SRA1: variants seen among roughly 807,000 people sequenced by gnomAD.
SRA1 encodes steroid receptor RNA activator 1, also known as lncRNA SRA.
SRA1 carries 25 observed loss-of-function variants against 24.3 expected under a neutral mutation model. The ratio of observed to expected loss-of-function variants is 1.03; its 90% CI spans 0.75 to 1.43. The LOEUF is 1.43. SRA1 is among the 40% of genes most tolerant of loss of function. The pLI is 0.00. For synonymous variants in SRA1, 104 were observed against 109.5 expected (o/e 0.95, Z 0.31); for missense variants, 303 against 286.6 (o/e 1.06, Z -0.41).
In SRA1 at chr5:140,550,511, C is replaced by G; in HGVS notation, c.*189G>C. 1.6e-6 allele frequency: 1 copy of G among 625,152 alleles called. No homozygotes were observed. Among genetic ancestry groups the G allele is most frequent in the Non-Finnish European group, 2.8e-6 (1 of 351,038 alleles). The allele number at this position is 625,152 out of a possible 1,614,324, so 38.7% of individuals were successfully genotyped here. ...CATCTCTCCTACCCAAGGCCCACCG[C>G]AGAGATGTTTTTATTGAAATGCATG... is the stretch of plus-strand genomic sequence containing the variant. On this transcript the variant is annotated 3_prime_UTR_variant, in exon 5 of 5. Coordinates refer to ENST00000336283, the MANE Select transcript of SRA1 (RefSeq NM_001035235.4).
chr5:140,556,924 T>C (rs1754720411), intron 2 of SRA1, among the ~76,000 whole-genome samples: 2 of 152,172 alleles, frequency 1.3e-5, no homozygotes, highest in Admixed American at 6.5e-5. Context: ...TAAGATCATC[T>C]AGGATGAAAA....
At chr5:140,555,615 T>C (rs1247103620) in intron 2 of SRA1, among the ~76,000 whole-genome samples, 3 of 152,188 alleles carry the variant, frequency 2.0e-5, no homozygotes, top group African/African-American at 7.2e-5. Flanking sequence ...GCCCTACGGC[T>C]CTGTCCCTGG....
In SRA1 at chr5:140,557,441, C is replaced by G. The variant is rs761283470; in HGVS notation, c.12G>C (p.Leu4=). ...GGCTGCGCTCACCCGGCTTCACGTA[C>G]AGCTCCGCCATCTCCACTTCCGCTT... MAE[L]YVKPGNKERG... The change falls in exon 1 of 5, where the codon CTG becomes CTC. Residue 4 remains leucine, a synonymous_variant. Transcript: ENST00000336283. 6.4e-7 allele frequency: 1 copy of G among 1,564,604 alleles called. No homozygotes were observed.
intron 1 of SRA1, 33 bp from the exon 2 acceptor site, chr5:140,557,305 G>C: frequency 1.2e-6 from 2 of 1,607,686 alleles, no homozygotes; most frequent in Non-Finnish European, 1.7e-6. Flanking sequence ...AAGCGAGCCC[G>C]GAACTCCACT....
At chr5:140,551,771 C>A in intron 3 of SRA1, 1 of 497,214 alleles carries the variant, frequency 2.0e-6, no homozygotes, top group Non-Finnish European at 3.6e-6. Flanking sequence ...CCCACAGCAT[C>A]TTCTACTGAT....
Position 140,550,429 on chromosome 5 carries a change from ACAGGGAG to A in SRA1, c.*264_*270del, listed in dbSNP as rs35644522. On this transcript the variant is annotated 3_prime_UTR_variant, in exon 5 of 5. Transcript: ENST00000336283. ...AGGGAGAACAGAGGTTTGCAGATAC[ACAGGGAG>A]CAGGGCAGTCGAGGACACCAGAGGG... 5.9e-6 allele frequency: 3 copies of A among 512,680 alleles called. No individual in the cohort carries two copies. Among genetic ancestry groups the A allele is most frequent in the African/African-American group, 5.7e-5 (3 of 52,326 alleles). 31.8% of individuals were successfully genotyped at this position (512,680 alleles called of 1,614,324 possible).
At position 140,550,872 on chromosome 5, in the gene SRA1, T is replaced by C; in HGVS notation, c.503A>G (p.His168Arg). ...CACATGGTCAACCATGAGGGAGCGGTGGATGTCATCTGCTGCGTCCCACCG... is the reference window on the plus strand; with the variant it reads ...CACATGGTCAACCATGAGGGAGCGGCGGATGTCATCTGCTGCGTCCCACCG... Reference protein sequence around the residue: ...SHRWDAADDIHRSLMVDHVTE... With the variant: ...SHRWDAADDIRRSLMVDHVTE... Residue 168 changes from histidine to arginine, a missense_variant, in exon 5 of 5, where the codon CAC (histidine) becomes CGC (arginine). Physicochemically the swap from His to Arg is conservative, Grantham distance 29 (BLOSUM62 0). Transcript: ENST00000336283. 6.2e-7 allele frequency: 1 copy of C among 1,614,126 alleles called. No individual in the cohort carries two copies. The highest frequency in any genetic ancestry group is 8.5e-7 in the Non-Finnish European group (1 of 1,180,026).
chr5:140,552,514 ATGGTGGCACATGCCTG>A (rs1754594544), intron 2 of SRA1, among the ~76,000 whole-genome samples: 1 of 152,054 alleles, frequency 6.6e-6, no homozygotes, highest in South Asian at 2.1e-4. Flanking sequence ...TTAGCTGGGC[ATGGTGGCACATGCCTG>A]TAATCCCAGC....
chr5:140,552,950 TTA>T (rs1257112489), intron 2 of SRA1, among the ~76,000 whole-genome samples: 1 of 152,176 alleles, frequency 6.6e-6, no homozygotes. Context: ...AATTACTAAA[TTA>T]TGTTACATGC....
At position 140,552,022 on chromosome 5, in the gene SRA1, G is replaced by C; in HGVS notation, c.314C>G (p.Pro105Arg). ...SEAVMEDVLR[P>R]LEQALEDCRG... ...GCAGTCTTCCAATGCCTGTTCCAAAGGTCTCAGCACATCCTCCATCACAGC... is the reference window on the plus strand; with the variant it reads ...GCAGTCTTCCAATGCCTGTTCCAAACGTCTCAGCACATCCTCCATCACAGC... Residue 105 changes from proline (P) to arginine (R), a missense_variant, in exon 3 of 5, where the codon CCT (proline) becomes CGT (arginine). Transcript: ENST00000336283. The C allele has an allele frequency of 6.2e-7, 1 of 1,604,598 alleles. No individual in the cohort carries two copies. The highest frequency in any genetic ancestry group is 1.7e-5 in the Admixed American group (1 of 58,618).
chr5:140,557,761 AC>A, upstream of SRA1: 1 of 499,518 alleles, frequency 2.0e-6, no homozygotes, highest in Non-Finnish European at 3.5e-6. Flanking sequence ...CCCCACATAC[AC>A]CCCGCTGTGA....
intron 2 of SRA1, 42 bp from the exon 3 acceptor site, chr5:140,552,226 G>T: frequency 7.0e-7 from 1 of 1,427,346 alleles, no homozygotes; most frequent in Non-Finnish European, 9.5e-7. Flanking sequence ...GCTTAAATGG[G>T]TAAGAAGCTT....
rs770799857 is a variant in SRA1 at position 140,557,256 on chromosome 5, G to C, written c.42C>G (p.Gly14=). 1 of 1,612,162 alleles carries C rather than the reference G, an allele frequency of 6.2e-7. No individual in the cohort carries two copies. The highest frequency in any genetic ancestry group is 1.3e-5 in the African/African-American group (1 of 75,052). ...LYVKPGNKER[G]WNDPPQFSYG... is the part of the protein sequence containing the mutation. Reference sequence around the variant, plus strand: ...ATGAGAACTGCGGCGGGTCGTTCCAGCCGCGTTCCTTGTTGCCTGCGGAGG... The same window carrying C: ...ATGAGAACTGCGGCGGGTCGTTCCACCCGCGTTCCTTGTTGCCTGCGGAGG... Residue 14 remains glycine, a synonymous_variant, in exon 2 of 5, where the codon GGC becomes GGG. Coordinates refer to ENST00000336283, the MANE Select transcript of SRA1 (RefSeq NM_001035235.4).
At chr5:140,551,412 A>G (rs1172953003) in intron 3 of SRA1, 30 of 448,698 alleles carry the variant, frequency 6.7e-5, no homozygotes, top group Middle Eastern at 5.9e-4. Flanking sequence ...GAATTCTCTC[A>G]TCTTCCCACC....
intron 2 of SRA1, among the ~76,000 whole-genome samples, chr5:140,556,945 T>C (rs1754721605): frequency 6.6e-6 from 1 of 152,156 alleles, no homozygotes; most frequent in Non-Finnish European, 1.5e-5. Context: ...AATAGTCTTT[T>C]TAAATCAATA....
intron 2 of SRA1, 73 bp from the exon 3 acceptor site, chr5:140,552,257 TAAG>T: frequency 1.8e-6 from 2 of 1,129,178 alleles, no homozygotes; most frequent in Non-Finnish European, 2.5e-6. Flanking sequence ...TCACCCCTTC[TAAG>T]AAGGGCTACT....
chr5:140,557,152 G>C lies in SRA1; in HGVS notation c.146C>G (p.Pro49Arg). 1 of 1,610,078 alleles carries C rather than the reference G, an allele frequency of 6.2e-7. No homozygotes were observed. Among genetic ancestry groups the C allele is most frequent in the Non-Finnish European group, 8.5e-7 (1 of 1,178,508 alleles). Residue 49 changes from proline (P) to arginine (R), a missense_variant, in exon 2 of 5, where the codon CCC becomes CGC. Pro to Arg is a moderately radical substitution (Grantham distance 103). Coordinates refer to ENST00000336283, the MANE Select transcript of SRA1 (RefSeq NM_001035235.4). ...KRVAAPQDGSPRVPASETSPG... is the reference protein window; with the variant it reads ...KRVAAPQDGSRRVPASETSPG... The stretch of plus-strand genomic sequence containing the variant: ...AGCACAGGGGCCCCACGCACCTCTG[G>C]GGGATCCATCCTGGGGTGCGGCGAC...
Position 140,557,269 on chromosome 5 carries a change from T to C in SRA1, c.29A>G (p.Asn10Ser). Residue 10 changes from asparagine (N) to serine (S), a missense_variant, in exon 2 of 5, where the codon AAC becomes AGC. Physicochemically the swap from Asn to Ser is conservative, Grantham distance 46 (BLOSUM62 1). Coordinates refer to ENST00000336283, the MANE Select transcript of SRA1 (RefSeq NM_001035235.4). Reference sequence around the variant, plus strand: ...CGGGTCGTTCCAGCCGCGTTCCTTGTTGCCTGCGGAGGCGAGGGATGTGTG... The same window carrying C: ...CGGGTCGTTCCAGCCGCGTTCCTTGCTGCCTGCGGAGGCGAGGGATGTGTG... MAELYVKPG[N>S]KERGWNDPPQ... 1 of 1,611,518 alleles carries C rather than the reference T, an allele frequency of 6.2e-7. No homozygotes were observed. The highest frequency in any genetic ancestry group is 1.3e-5 in the African/African-American group (1 of 75,030).
rs1241425976 is a variant in SRA1 at position 140,551,183 on chromosome 5, G to GC, written c.355-15dup. The GC allele has an allele frequency of 5.6e-6, 9 of 1,608,286 alleles. No homozygotes were observed. Among genetic ancestry groups the GC allele is most frequent in the Non-Finnish European group, 4.3e-6 (5 of 1,174,992 alleles). On this transcript the variant is annotated splice_polypyrimidine_tract_variant and intron_variant, in intron 3 of 4. Coordinates refer to ENST00000336283, the MANE Select transcript of SRA1 (RefSeq NM_001035235.4). Reference sequence around the variant, plus strand: ...ACATACCTGCTTCTAAGAGACAGAAGCCCCCCTCCAATTCAGTGCTGCCAG... The same window carrying GC: ...ACATACCTGCTTCTAAGAGACAGAAGCCCCCCCTCCAATTCAGTGCTGCCAG...
Sources: allele counts gnomAD v4.1 joint callset (sites outside exome capture counted in the v4.1 genomes callset), GRCh38; gene constraint gnomAD v4.1.1; transcripts MANE v1.5; gene names NCBI Gene and HGNC (gene_info 2026-07-23, HGNC 2026-07-21).